Variants in TSNARE1 observed in about 807,000 individuals in gnomAD.
TSNARE1 encodes t-SNARE domain containing 1, also known as t-SNARE domain-containing protein 1.
A neutral mutation model predicts 62.0 loss-of-function variants in TSNARE1; 49 were observed. That is an observed-to-expected ratio of 0.79 (90% confidence interval 0.63 to 1.00). TSNARE1 has a LOEUF of 1.00. Ranked by LOEUF, TSNARE1 falls within the 50% of genes least tolerant of loss-of-function variation. The probability of loss-of-function intolerance (pLI) is 0.00; values close to 1 mark genes in which losing one functional copy is unlikely to be tolerated. For missense variants in TSNARE1, 755 were observed against 700.1 expected, an observed-to-expected ratio of 1.08 and a Z score of -0.88; for synonymous variants, 328 against 294.4, an observed-to-expected ratio of 1.11 and a Z score of -1.17.
At chr8:142,351,160 C>T (rs1166016994) in intron 2 of TSNARE1, among the ~76,000 whole-genome samples, 5 of 152,168 alleles carry the variant, frequency 3.3e-5, no homozygotes, top group African/African-American at 7.2e-5. Flanking sequence ...ACACTGGCCA[C>T]GAGCAGTGAG....
chr8:142,385,029 AAGAAAAGCGAATTAAATGAGGTGAG>A (rs1837018061), intron 1 of TSNARE1, among the ~76,000 whole-genome samples: 1 of 152,212 alleles, frequency 6.6e-6, no homozygotes. Flanking sequence ...TGATAGAGAC[AAGAAAAGCGAATTAAATGAGGTGAG>A]AGAAAAGCGA....
intron 11 of TSNARE1, among the ~76,000 whole-genome samples, chr8:142,281,223 C>CT (rs1821395323): frequency 6.6e-6 from 1 of 151,690 alleles, no homozygotes; most frequent in South Asian, 2.1e-4. Flanking sequence ...ACCAAAGGCC[C>CT]GTGGGCACCA....
chr8:142,336,282 CAAAAAAA>C (rs749299318), intron 4 of TSNARE1, among the ~76,000 whole-genome samples: 2 of 25,126 alleles, frequency 8.0e-5, no homozygotes, highest in Admixed American at 9.4e-4. Context: ...GACCCTGTCT[CAAAAAAA>C]AAAAAAAAAA....
intron 11 of TSNARE1, chr8:142,277,644 A>G: frequency 1.0e-6 from 1 of 985,320 alleles, no homozygotes; most frequent in Non-Finnish European, 1.2e-6. Context: ...GGAATTCAAC[A>G]CGTCAGTTGC....
chr8:142,383,475 A>ACCCAGGACAGAGT, intron 1 of TSNARE1, among the ~76,000 whole-genome samples: 1 of 152,180 alleles, frequency 6.6e-6, no homozygotes, highest in Non-Finnish European at 1.5e-5. Flanking sequence ...CCCCAAGCAC[A>ACCCAGGACAGAGT]GCTGGCCAGG....
chr8:142,361,394 C>G (rs1489610619), intron 1 of TSNARE1, among the ~76,000 whole-genome samples: 1 of 152,220 alleles, frequency 6.6e-6, no homozygotes, highest in African/African-American at 2.4e-5. Flanking sequence ...CAGGGACGGG[C>G]TCCTCGGGCG....
At chr8:142,346,577 G>C (rs1393595904) in intron 2 of TSNARE1, among the ~76,000 whole-genome samples, 1 of 152,250 alleles carries the variant, frequency 6.6e-6, no homozygotes, top group Non-Finnish European at 1.5e-5. Flanking sequence ...CGGCACCCCA[G>C]AGTCACAGAC....
intron 1 of TSNARE1, among the ~76,000 whole-genome samples, chr8:142,384,606 C>T (rs189136683): frequency 1.3e-5 from 2 of 152,272 alleles, no homozygotes; most frequent in African/African-American, 4.8e-5. Flanking sequence ...ACAAATGGTG[C>T]TGGAAAGACT....
intron 1 of TSNARE1, among the ~76,000 whole-genome samples, chr8:142,360,965 C>T (rs1835108895): frequency 1.3e-5 from 2 of 152,122 alleles, no homozygotes; most frequent in Admixed American, 1.3e-4. Flanking sequence ...CAGAGGACAC[C>T]CAGGCTGGGC....
At chr8:142,287,789 G>A (rs1286788016) in intron 10 of TSNARE1, among the ~76,000 whole-genome samples, 1 of 148,958 alleles carries the variant, frequency 6.7e-6, no homozygotes, top group Non-Finnish European at 1.5e-5. Flanking sequence ...CTCAGGGACA[G>A]TGGGCCACCC....
intron 1 of TSNARE1, among the ~76,000 whole-genome samples, chr8:142,360,218 C>CA (rs1236322508): frequency 2.0e-5 from 3 of 152,098 alleles, no homozygotes; most frequent in South Asian, 2.1e-4. Context: ...GGCTAGCACT[C>CA]AGAGGAGGGA....
intron 13 of TSNARE1, among the ~76,000 whole-genome samples, chr8:142,223,175 T>TTCATTCACTCACTCATATC (rs879809176): frequency 3.0e-5 from 1 of 33,520 alleles, no homozygotes; most frequent in African/African-American, 1.6e-4. Flanking sequence ...CTCACTCAAG[T>TTCATTCACTCACTCATATC]ATTCACTCAT....
chr8:142,320,059 C>T lies in TSNARE1; in HGVS notation c.894-1425G>A, dbSNP rs949607604. Among the ~76,000 whole-genome samples the T allele has an allele frequency of 3.9e-5, 6 of 152,244 alleles. No homozygotes were observed. The East Asian group carries it at 1.2e-3, about 29-fold the overall frequency. On this transcript the variant is annotated intron_variant, in intron 6 of 13. Transcript: ENST00000524325. ...GCAGAGTGCCCCTCACCCCCGCTCC[C>T]ACCAGTCCCCTCCTCACCCTGGGCT...
chr8:142,277,142 G>C, intron 11 of TSNARE1: 1 of 985,320 alleles, frequency 1.0e-6, no homozygotes. Flanking sequence ...CAGTCTGTGA[G>C]GTGAGCCCTG....
intron 10 of TSNARE1, among the ~76,000 whole-genome samples, chr8:142,299,942 G>A (rs868380808): frequency 3.9e-5 from 6 of 152,318 alleles, no homozygotes; most frequent in Admixed American, 6.5e-5. Context: ...TAAAAAATAA[G>A]TATTATACAT....
At chr8:142,396,371 A>C (rs554029274) in intron 1 of TSNARE1, among the ~76,000 whole-genome samples, 2 of 152,196 alleles carry the variant, frequency 1.3e-5, no homozygotes, top group South Asian at 4.2e-4. Context: ...CTCAAGCCTT[A>C]TGGGAACAAG....
intron 11 of TSNARE1, among the ~76,000 whole-genome samples, chr8:142,283,591 C>T (rs1282603559): frequency 1.6e-5 from 2 of 127,552 alleles, no homozygotes; most frequent in Non-Finnish European, 1.6e-5. Flanking sequence ...TGAGCAGAGG[C>T]GGGGTTAGTG....
At chr8:142,277,302 C>T (rs889004344) in intron 11 of TSNARE1, 11 of 985,228 alleles carry the variant, frequency 1.1e-5, no homozygotes, top group African/African-American at 5.2e-5. Context: ...CCTTTGGGAC[C>T]GCCCTCCCCA....
chr8:142,218,771 T>C (rs527718484), intron 13 of TSNARE1, among the ~76,000 whole-genome samples: 4 of 152,318 alleles, frequency 2.6e-5, no homozygotes, highest in Admixed American at 6.5e-5. Flanking sequence ...TTGAGGCCCT[T>C]CTCTGCTTGG....
Sources: gnomAD v4.1 joint callset for allele counts (sites outside exome capture counted in the v4.1 genomes callset) on GRCh38, gnomAD v4.1.1 for gene constraint, MANE v1.5 for transcripts, NCBI Gene and HGNC (gene_info 2026-07-23, HGNC 2026-07-21) for gene names.